NBEA: variants seen among roughly 807,000 people sequenced by gnomAD.
NBEA encodes neurobeachin.
NBEA carries 44 observed loss-of-function variants against 343.4 expected under a neutral mutation model. The ratio of observed to expected loss-of-function variants is 0.13; its 90% CI spans 0.10 to 0.16. The LOEUF (loss-of-function observed/expected upper bound fraction) is 0.16. Ranked by LOEUF, NBEA falls within the 10% of genes least tolerant of loss-of-function variation. NBEA has a pLI of 1.00. For missense variants in NBEA, 2,555 were observed against 3,631.3 expected, an observed-to-expected ratio of 0.70 and a Z score of 7.62; for synonymous variants, 1,175 against 1,238.7, an observed-to-expected ratio of 0.95 and a Z score of 1.08.
intron 34 of NBEA, among the ~76,000 whole-genome samples, chr13:35,236,877 T>C (rs1366589922): frequency 6.6e-6 from 1 of 152,150 alleles, no homozygotes; most frequent in Non-Finnish European, 1.5e-5. Flanking sequence ...TTACATAATA[T>C]TAATAAAATT....
intron 33 of NBEA, among the ~76,000 whole-genome samples, chr13:35,231,612 T>C (rs2074979307): frequency 6.6e-6 from 1 of 152,116 alleles, no homozygotes; most frequent in South Asian, 2.1e-4. Context: ...GTGAACATTA[T>C]TGACCTCTCA....
At chr13:35,415,656 G>T (rs2043862458) in intron 38 of NBEA, among the ~76,000 whole-genome samples, 1 of 152,112 alleles carries the variant, frequency 6.6e-6, no homozygotes. Flanking sequence ...ATAGTTTGAA[G>T]TCAGGTAGTG....
intron 41 of NBEA, among the ~76,000 whole-genome samples, chr13:35,512,235 G>T (rs1377188341): frequency 2.0e-5 from 3 of 152,150 alleles, no homozygotes; most frequent in Non-Finnish European, 2.9e-5. Flanking sequence ...AATCTTGGCT[G>T]CATGAAACAG....
At chr13:35,336,014 C>G (rs138766211) in intron 36 of NBEA, among the ~76,000 whole-genome samples, 157 of 152,154 alleles carry the variant, frequency 1.0e-3, no homozygotes, top group African/African-American at 3.5e-3. Flanking sequence ...GCTGTCCTTA[C>G]ACAGAGTTCC....
intron 47 of NBEA, among the ~76,000 whole-genome samples, chr13:35,597,138 C>T (rs773520073): frequency 6.6e-6 from 1 of 152,128 alleles, no homozygotes; most frequent in Non-Finnish European, 1.5e-5. Context: ...AATTTCTCAG[C>T]AGCTTGAACT....
At chr13:35,210,337 G>A (rs186780746) in intron 32 of NBEA, among the ~76,000 whole-genome samples, 4 of 151,736 alleles carry the variant, frequency 2.6e-5, no homozygotes, top group African/African-American at 9.7e-5. Flanking sequence ...CTAAAGACTG[G>A]GCATACTGTT....
In NBEA at chr13:35,195,772, T is replaced by C; in HGVS notation, c.4928-92T>C. 6 of 1,215,628 alleles carry C rather than the reference T, an allele frequency of 4.9e-6. 1 individual carries two copies. The South Asian group carries it at 9.6e-5, about 19-fold the overall frequency. The allele number at this position is 1,215,628 out of a possible 1,614,324, so 75.3% of individuals were successfully genotyped here. On this transcript the variant is annotated intron_variant, in intron 30 of 58. Coordinates refer to ENST00000379939, the MANE Select transcript of NBEA (RefSeq NM_001385012.1). The stretch of plus-strand genomic sequence containing the variant: ...CAATTTTTTGTTTCTACAGGTTTTG[T>C]TTTCTTTATTTGAATATATGAAAAC...
intron 34 of NBEA, among the ~76,000 whole-genome samples, chr13:35,266,452 A>G (rs1756374217): frequency 1.3e-5 from 2 of 151,894 alleles, no homozygotes; most frequent in African/African-American, 2.4e-5. Context: ...GTCCATTAAC[A>G]GATTAATGGA....
At chr13:35,624,713 G>A (rs2083144270) in intron 48 of NBEA, among the ~76,000 whole-genome samples, 1 of 151,696 alleles carries the variant, frequency 6.6e-6, no homozygotes, top group African/African-American at 2.4e-5. Context: ...CACATACGTT[G>A]ACATGATAGG....
intron 58 of NBEA, among the ~76,000 whole-genome samples, chr13:35,669,016 C>T (rs1203498717): frequency 6.6e-6 from 1 of 152,184 alleles, no homozygotes; most frequent in Non-Finnish European, 1.5e-5. Flanking sequence ...CCCCCATGTT[C>T]TTATTTACCT....
intron 41 of NBEA, among the ~76,000 whole-genome samples, chr13:35,492,838 G>A (rs1454513959): frequency 6.6e-6 from 1 of 151,802 alleles, no homozygotes; most frequent in East Asian, 1.9e-4. Flanking sequence ...GGACTTAGAT[G>A]TTTAAACTGT....
rs774423000 is a variant in NBEA, at chr13:35,290,405, G to A, written c.5793G>A (p.Lys1931=). 8 of 1,606,504 alleles carry A rather than the reference G, an allele frequency of 5.0e-6. No individual in the cohort carries two copies. Among genetic ancestry groups the A allele is most frequent in the Non-Finnish European group, 5.1e-6 (6 of 1,174,782 alleles). The change falls in exon 35 of 59, where the codon AAG becomes AAA. Residue 1931 remains lysine, a synonymous_variant. Coordinates refer to ENST00000379939, the MANE Select transcript of NBEA (RefSeq NM_001385012.1). The part of the protein sequence containing the change: ...ELLIEGLVCM[K]SSTSVVELVM... ...TTGTTGTAGGCCTTGTTTGTATGAA[G>A]TCCAGCACATCTGTGGTTGAGCTTG...
intron 53 of NBEA, among the ~76,000 whole-genome samples, chr13:35,653,850 A>G (rs1372033997): frequency 6.6e-6 from 1 of 152,230 alleles, no homozygotes; most frequent in Admixed American, 6.5e-5. Flanking sequence ...GTAACCATGG[A>G]AAAATTAATA....
intron 6 of NBEA, among the ~76,000 whole-genome samples, chr13:35,052,471 A>G (rs1194831402): frequency 1.3e-5 from 2 of 151,984 alleles, no homozygotes; most frequent in African/African-American, 2.4e-5. Context: ...TTTATAATAC[A>G]TATCTTGTGG....
intron 48 of NBEA, among the ~76,000 whole-genome samples, chr13:35,624,053 T>G (rs1018246747): frequency 4.1e-5 from 5 of 121,942 alleles, no homozygotes; most frequent in African/African-American, 9.4e-5. Flanking sequence ...TGTGTGTGTG[T>G]GGGTGTGTGT....
At chr13:34,990,531 G>T (rs1287738818) in intron 1 of NBEA, among the ~76,000 whole-genome samples, 3 of 151,024 alleles carry the variant, frequency 2.0e-5, no homozygotes, top group Admixed American at 6.6e-5. Flanking sequence ...GCAGGGAGCA[G>T]TGTTCTGAGG....
chr13:35,326,664 C>T (rs1264453837), intron 36 of NBEA, among the ~76,000 whole-genome samples: 1 of 151,912 alleles, frequency 6.6e-6, no homozygotes, highest in Non-Finnish European at 1.5e-5. Context: ...CTACAACTTC[C>T]AGTACTATGT....
At chr13:35,085,032 G>A (rs563881736) in intron 10 of NBEA, among the ~76,000 whole-genome samples, 2 of 152,224 alleles carry the variant, frequency 1.3e-5, no homozygotes, top group East Asian at 1.9e-4. Context: ...GACTAGCCCA[G>A]GAAGAAGTTG....
intron 36 of NBEA, among the ~76,000 whole-genome samples, chr13:35,328,665 A>T (rs1232863069): frequency 2.0e-5 from 3 of 151,964 alleles, no homozygotes; most frequent in East Asian, 1.9e-4. Flanking sequence ...AAATATATTT[A>T]AAAATGTGGA....
Sources: allele counts gnomAD v4.1 joint callset (sites outside exome capture counted in the v4.1 genomes callset), GRCh38; gene constraint gnomAD v4.1.1; transcripts MANE v1.5; gene names NCBI Gene and HGNC (gene_info 2026-07-23, HGNC 2026-07-21).